Variants in OCIAD1 observed in about 807,000 individuals in gnomAD.
OCIAD1 encodes OCIA domain-containing protein 1.
OCIAD1 carries 29 observed loss-of-function variants against 38.9 expected under a neutral mutation model. The observed-to-expected ratio is 0.74, with a 90% CI of 0.55 to 1.02. The LOEUF (loss-of-function observed/expected upper bound fraction) is 1.02. Ranked by LOEUF, OCIAD1 falls within the 50% of genes least tolerant of loss-of-function variation. The pLI is 0.00. For synonymous variants in OCIAD1, 110 were observed against 92.0 expected (o/e 1.20, Z -1.12); for missense variants, 288 against 289.6 (o/e 0.99, Z 0.04).
intron 3 of OCIAD1, among the ~76,000 whole-genome samples, chr4:48,838,587 G>T (rs1778226250): frequency 6.6e-6 from 1 of 152,102 alleles, no homozygotes; most frequent in African/African-American, 2.4e-5. Context: ...AGGAAATTTT[G>T]TACTTTAACA....
intron 1 of OCIAD1, among the ~76,000 whole-genome samples, chr4:48,813,566 C>T (rs1400707259): frequency 6.6e-6 from 1 of 152,166 alleles, no homozygotes; most frequent in Non-Finnish European, 1.5e-5. Context: ...AGATGGGAGG[C>T]TCACTTGAGC....
upstream of OCIAD1, among the ~76,000 whole-genome samples, chr4:48,828,496 T>A (rs1777274443): frequency 6.6e-6 from 1 of 152,194 alleles, no homozygotes; most frequent in Admixed American, 6.5e-5. Flanking sequence ...CTCTTTGCAA[T>A]AAATCTTGCT....
At chr4:48,828,628 A>G (rs1465943047), upstream of OCIAD1, among the ~76,000 whole-genome samples, 2 of 152,118 alleles carry the variant, frequency 1.3e-5, no homozygotes, top group Admixed American at 1.3e-4. Context: ...ACAACTCCAG[A>G]CGGGAGGAAT....
chr4:48,859,890 G>C (rs75673543), intron 8 of OCIAD1, among the ~76,000 whole-genome samples: 2,926 of 152,240 alleles, frequency 0.019, 88 homozygotes, highest in African/African-American at 0.066. Context: ...ACATCCTGTA[G>C]CTTCTAGAAA....
At chr4:48,820,171 T>C (rs1371609763) in intron 1 of OCIAD1, among the ~76,000 whole-genome samples, 1 of 152,068 alleles carries the variant, frequency 6.6e-6, no homozygotes, top group African/African-American at 2.4e-5. Context: ...CCTTAGCAAA[T>C]GCAAAAGAAT....
intron 1 of OCIAD1, among the ~76,000 whole-genome samples, chr4:48,806,647 C>A (rs192293326): frequency 6.6e-6 from 1 of 152,116 alleles, no homozygotes; most frequent in East Asian, 1.9e-4. Context: ...TGCTCTGTTG[C>A]CAGGCTGGAG....
chr4:48,837,642 C>CTTTT (rs576203754), intron 3 of OCIAD1, among the ~76,000 whole-genome samples: 1 of 97,664 alleles, frequency 1.0e-5, no homozygotes, highest in Non-Finnish European at 2.3e-5. Flanking sequence ...AGCAACAGTT[C>CTTTT]TTTTTTTTTT....
intron 1 of OCIAD1, among the ~76,000 whole-genome samples, chr4:48,809,201 T>G (rs1047033482): frequency 2.0e-5 from 3 of 152,176 alleles, no homozygotes; most frequent in Admixed American, 2.0e-4. Context: ...TTAAAATCCA[T>G]CTATGGCTTC....
chr4:48,854,614 A>G (rs555121022), intron 7 of OCIAD1, among the ~76,000 whole-genome samples: 141 of 152,342 alleles, frequency 9.3e-4, no homozygotes, highest in African/African-American at 3.4e-3. Context: ...GTATCTACCC[A>G]CAGACTACTT....
At chr4:48,853,470 T>C (rs1779728293) in intron 7 of OCIAD1, among the ~76,000 whole-genome samples, 1 of 152,236 alleles carries the variant, frequency 6.6e-6, no homozygotes, top group Admixed American at 6.5e-5. Context: ...AAGGTTTGGA[T>C]AAGGGATTAT....
chr4:48,860,581 C>A (rs1780510515), intron 8 of OCIAD1, 144 bp from the exon 9 acceptor site: 2 of 692,796 alleles, frequency 2.9e-6, no homozygotes, highest in East Asian at 2.8e-5. Context: ...CTGGTCATCC[C>A]CTTTTTGTAA....
At chr4:48,853,025 G>A (rs1368224907) in intron 7 of OCIAD1, among the ~76,000 whole-genome samples, 1 of 151,626 alleles carries the variant, frequency 6.6e-6, no homozygotes, top group Non-Finnish European at 1.5e-5. Flanking sequence ...GACTGCAGGT[G>A]CCCGCCACCA....
At chr4:48,846,573 C>G (rs1302188638) in intron 4 of OCIAD1, among the ~76,000 whole-genome samples, 2 of 151,964 alleles carry the variant, frequency 1.3e-5, no homozygotes, top group Non-Finnish European at 2.9e-5. Flanking sequence ...ATGGTGAAAC[C>G]CTGTCTCTAC....
At chr4:48,811,578 G>A (rs1023324507) in intron 1 of OCIAD1, among the ~76,000 whole-genome samples, 11 of 152,180 alleles carry the variant, frequency 7.2e-5, no homozygotes, top group African/African-American at 2.4e-4. Context: ...CTGAGCCTGG[G>A]AGGTGGAGGT....
chr4:48,805,939 T>C (rs1427492727), intron 1 of OCIAD1, among the ~76,000 whole-genome samples: 14 of 152,242 alleles, frequency 9.2e-5, no homozygotes. Context: ...TTCAGTTTCA[T>C]GTCCGGCTTC....
chr4:48,820,512 A>G (rs1469736922), intron 1 of OCIAD1, among the ~76,000 whole-genome samples: 1 of 152,220 alleles, frequency 6.6e-6, no homozygotes, highest in Non-Finnish European at 1.5e-5. Context: ...AAGAGCAAAC[A>G]AATTCAAAAG....
At chr4:48,855,618 A>G (rs1779963471) in intron 7 of OCIAD1, among the ~76,000 whole-genome samples, 1 of 152,138 alleles carries the variant, frequency 6.6e-6, no homozygotes, top group Admixed American at 6.6e-5. Flanking sequence ...AGAGTTCAAG[A>G]CCAGCCTGAC....
At chr4:48,854,441 G>GA (rs1779821262) in intron 7 of OCIAD1, among the ~76,000 whole-genome samples, 1 of 152,184 alleles carries the variant, frequency 6.6e-6, no homozygotes, top group Admixed American at 6.5e-5. Context: ...GCAGGTAACT[G>GA]AAACCCTGGA....
At chr4:48,837,642 C>CT (rs576203754) in intron 3 of OCIAD1, among the ~76,000 whole-genome samples, 1,323 of 97,632 alleles carry the variant, frequency 0.014, 11 homozygotes, top group Middle Eastern at 0.047. Context: ...AGCAACAGTT[C>CT]TTTTTTTTTT....
Sources: gnomAD v4.1 joint callset for allele counts (sites outside exome capture counted in the v4.1 genomes callset) on GRCh38, gnomAD v4.1.1 for gene constraint, MANE v1.5 for transcripts, NCBI Gene and HGNC (gene_info 2026-07-23, HGNC 2026-07-21) for gene names.